PPM1E: variants seen among roughly 807,000 people sequenced by gnomAD.
The protein encoded by PPM1E is protein phosphatase 1E.
A neutral mutation model predicts 65.9 loss-of-function variants in PPM1E; 20 were observed. The ratio of observed to expected loss-of-function variants is 0.30; its 90% CI spans 0.21 to 0.44. The LOEUF is 0.44. Among genes scored for constraint, PPM1E ranks in the 20% least tolerant of loss-of-function variants. PPM1E has a pLI of 1.00. For missense variants in PPM1E, 713 were observed against 953.1 expected, an observed-to-expected ratio of 0.75 and a Z score of 3.32; for synonymous variants, 352 against 374.9, an observed-to-expected ratio of 0.94 and a Z score of 0.70.
chr17:58,892,282 A>G (rs2051357164), intron 1 of PPM1E, among the ~76,000 whole-genome samples: 2 of 152,192 alleles, frequency 1.3e-5, no homozygotes, highest in Non-Finnish European at 2.9e-5. Flanking sequence ...TTTAATTTTG[A>G]AATATTTCAA....
chr17:58,852,701 T>C (rs777676617), intron 1 of PPM1E, among the ~76,000 whole-genome samples: 1 of 151,886 alleles, frequency 6.6e-6, no homozygotes, highest in Non-Finnish European at 1.5e-5. Context: ...CCTCCTGGGT[T>C]CAAGTGATTC....
At chr17:58,764,303 CTT>C (rs892818769) in intron 1 of PPM1E, among the ~76,000 whole-genome samples, 9 of 152,030 alleles carry the variant, frequency 5.9e-5, no homozygotes, top group Admixed American at 5.9e-4. Context: ...ACAACAAAAA[CTT>C]TAATTCTGTA....
chr17:58,824,650 G>T lies in PPM1E; in HGVS notation c.464+68189G>T, dbSNP rs543379166. Among the ~76,000 whole-genome samples the T allele has an allele frequency of 2.0e-5, 3 of 150,712 alleles. No homozygotes were observed. In the South Asian group the frequency reaches 6.3e-4, roughly 31 times the overall value. On this transcript the variant is annotated intron_variant, in intron 1 of 6. Coordinates refer to ENST00000308249, the MANE Select transcript of PPM1E (RefSeq NM_014906.5). ...GTCGCCCAGGCTGGAGTGCAGTGGC[G>T]TGATCTCAGCTCACTGCAAGCTCCG...
At chr17:58,937,863 G>A (rs1309600291) in intron 1 of PPM1E, among the ~76,000 whole-genome samples, 2 of 113,642 alleles carry the variant, frequency 1.8e-5, no homozygotes, top group African/African-American at 7.1e-5. Flanking sequence ...CTGGGCAACA[G>A]AGTGAGACTC....
chr17:58,808,516 A>G (rs1207524123), intron 1 of PPM1E, among the ~76,000 whole-genome samples: 3 of 151,800 alleles, frequency 2.0e-5, no homozygotes, highest in Non-Finnish European at 4.4e-5. Context: ...CTTCCTATGT[A>G]TTTATGTGTA....
At chr17:58,952,435 C>G (rs548072852) in intron 1 of PPM1E, among the ~76,000 whole-genome samples, 1 of 152,266 alleles carries the variant, frequency 6.6e-6, no homozygotes, top group East Asian at 1.9e-4. Flanking sequence ...AGAAGACCTG[C>G]CAGCCTGTTT....
rs749650098 is a variant in PPM1E at position 58,980,889 on chromosome 17, G to A, written c.2126G>A (p.Gly709Glu). Residue 709 changes from glycine to glutamate, a missense_variant, in exon 7 of 7, where the codon GGA (glycine) becomes GAA (glutamate). By Grantham distance (98) the Gly-to-Glu change is moderately conservative. This residue lies in a region of PPM1E where 286 missense variants were observed against 313.8 expected (regional missense o/e 0.91). Transcript: ENST00000308249. The surrounding 1 kb of genome is among the most constrained non-coding windows in gnomAD (Gnocchi z 4.7). ...GGCACTAGCCTGTCCTCACTTACTG[G>A]AAGTGGGAAGAGAAATAGGATAAGA... ...KIGTSLSSLT[G>E]SGKRNRIRSS... 1.9e-5 allele frequency: 31 copies of A among 1,614,058 alleles called. No homozygotes were observed. In the South Asian group the frequency reaches 3.2e-4, roughly 17 times the overall value.
At chr17:58,874,062 T>C (rs1488839966) in intron 1 of PPM1E, among the ~76,000 whole-genome samples, 1 of 152,106 alleles carries the variant, frequency 6.6e-6, no homozygotes, top group Non-Finnish European at 1.5e-5. Flanking sequence ...GCAAGTTTTA[T>C]AGTGAAAAAA....
intron 1 of PPM1E, among the ~76,000 whole-genome samples, chr17:58,854,666 T>C (rs2050863236): frequency 6.6e-6 from 1 of 152,102 alleles, no homozygotes; most frequent in Non-Finnish European, 1.5e-5. Flanking sequence ...ATCATGTGGG[T>C]TTTTTCCTTC....
At chr17:58,798,319 C>T (rs186908949) in intron 1 of PPM1E, among the ~76,000 whole-genome samples, 116 of 151,204 alleles carry the variant, frequency 7.7e-4, no homozygotes, top group African/African-American at 2.6e-3. Flanking sequence ...ACCTCCACCT[C>T]CCGGGTTCAA....
chr17:58,818,233 C>G (rs1211582342), intron 1 of PPM1E, among the ~76,000 whole-genome samples: 1 of 152,148 alleles, frequency 6.6e-6, no homozygotes, highest in Non-Finnish European at 1.5e-5. Flanking sequence ...GCAATGCATA[C>G]TGGGTGGGAG....
At chr17:58,816,735 AATATAAATATATATATATATAT>A (rs1567841941) in intron 1 of PPM1E, among the ~76,000 whole-genome samples, 1 of 111,812 alleles carries the variant, frequency 8.9e-6, no homozygotes, top group East Asian at 3.1e-4. Flanking sequence ...CATGTATCAG[AATATAAATATATATATATATAT>A]ATATATATAT....
intron 1 of PPM1E, among the ~76,000 whole-genome samples, chr17:58,830,830 G>A (rs948002638): frequency 2.7e-5 from 4 of 150,410 alleles, no homozygotes; most frequent in Non-Finnish European, 4.4e-5. Context: ...AACTATAAGC[G>A]TGTGCCACCA....
intron 1 of PPM1E, among the ~76,000 whole-genome samples, chr17:58,916,351 C>T (rs958651730): frequency 2.6e-5 from 4 of 152,134 alleles, no homozygotes; most frequent in African/African-American, 9.7e-5. Context: ...TCCTGTTTCC[C>T]TGATCCCATT....
At chr17:58,849,065 G>C (rs1255430310) in intron 1 of PPM1E, among the ~76,000 whole-genome samples, 1 of 152,164 alleles carries the variant, frequency 6.6e-6, no homozygotes, top group Non-Finnish European at 1.5e-5. Context: ...TTGTGTAGAG[G>C]TGTTTATAGT....
intron 1 of PPM1E, among the ~76,000 whole-genome samples, chr17:58,870,662 G>A (rs1468193765): frequency 6.6e-6 from 1 of 152,138 alleles, no homozygotes; most frequent in South Asian, 2.1e-4. Context: ...AACTAGTTTA[G>A]GTATTTCAAA....
At chr17:58,878,017 A>T (rs1199269885) in intron 1 of PPM1E, among the ~76,000 whole-genome samples, 2 of 152,148 alleles carry the variant, frequency 1.3e-5, no homozygotes, top group Non-Finnish European at 2.9e-5. Flanking sequence ...AAAAGAAAAA[A>T]GTGAAAAATA....
intron 1 of PPM1E, among the ~76,000 whole-genome samples, chr17:58,893,834 G>A: frequency 6.6e-6 from 1 of 152,160 alleles, no homozygotes; most frequent in East Asian, 1.9e-4. Flanking sequence ...CACTTTGGGA[G>A]GCTGAGGTGG....
At chr17:58,976,958 TGAA>T (rs2143786364) in intron 6 of PPM1E, among the ~76,000 whole-genome samples, 1 of 152,246 alleles carries the variant, frequency 6.6e-6, no homozygotes, top group South Asian at 2.1e-4. Context: ...AGTAAATTGG[TGAA>T]GGACACTGAA....
Sources: allele counts gnomAD v4.1 joint callset (sites outside exome capture counted in the v4.1 genomes callset), GRCh38; gene constraint gnomAD v4.1.1; regional missense constraint gnomAD v4.1.1; non-coding constraint Gnocchi (gnomAD v3.1); transcripts MANE v1.5; gene names NCBI Gene and HGNC (gene_info 2026-07-23, HGNC 2026-07-21).